Variants in HS6ST1 observed in about 807,000 individuals in gnomAD.
HS6ST1 encodes heparan sulfate 6-O-sulfotransferase 1, also known as heparan-sulfate 6-O-sulfotransferase 1.
HS6ST1 carries 3 observed loss-of-function variants against 25.2 expected under a neutral mutation model. The observed-to-expected ratio is 0.12, with a 90% CI of 0.05 to 0.31. HS6ST1 has a LOEUF of 0.31. HS6ST1 is among the 10% of genes least tolerant of loss of function. HS6ST1 has a pLI of 1.00. For missense variants in HS6ST1, 310 were observed against 609.6 expected (o/e 0.51, Z 5.18); for synonymous variants, 204 against 275.1 (o/e 0.74, Z 2.56).
intron 1 of HS6ST1, among the ~76,000 whole-genome samples, chr2:128,287,244 T>TC (rs769547227): frequency 6.6e-6 from 1 of 152,000 alleles, no homozygotes; most frequent in South Asian, 2.1e-4. Context: ...ACCAGGGCAG[T>TC]CCCCCTGCAA....
intron 1 of HS6ST1, among the ~76,000 whole-genome samples, chr2:128,281,558 G>A (rs368934885): frequency 4.6e-5 from 7 of 152,240 alleles, no homozygotes; most frequent in South Asian, 2.1e-4. Flanking sequence ...CTTGGACCAT[G>A]AGGCAGAAGC....
chr2:128,277,665 G>A (rs554883831), intron 1 of HS6ST1, among the ~76,000 whole-genome samples: 303 of 152,360 alleles, frequency 2.0e-3, no homozygotes, highest in Admixed American at 5.0e-3. Context: ...GTGAGGCTAA[G>A]GCACACAGGC....
At position 128,268,762 on chromosome 2, in the gene HS6ST1, A is replaced by G; in HGVS notation, c.636T>C (p.Asp212=). 6.2e-7 allele frequency: 1 copy of G among 1,612,310 alleles called. No individual in the cohort carries two copies. The highest frequency in any genetic ancestry group is 8.5e-7 in the Non-Finnish European group (1 of 1,179,902). The change falls in exon 2 of 2, where the codon GAT becomes GAC. Residue 212 remains aspartate, a synonymous_variant. Transcript: ENST00000259241. ...ATWKTSLHMC[D]GRTPTPEELP... ...GCTCCTCAGGCGTGGGCGTGCGCCC[A>G]TCACACATATGCAACGACGTCTTCC...
chr2:128,289,040 C>T (rs954390325), intron 1 of HS6ST1, among the ~76,000 whole-genome samples: 3 of 152,122 alleles, frequency 2.0e-5, no homozygotes, highest in Non-Finnish European at 2.9e-5. Flanking sequence ...CAGAGGCGGC[C>T]GCGGAGAGAT....
intron 1 of HS6ST1, among the ~76,000 whole-genome samples, chr2:128,278,184 G>A (rs1352247890): frequency 2.0e-5 from 3 of 152,260 alleles, no homozygotes; most frequent in Admixed American, 6.5e-5. Context: ...CAACCAGGCC[G>A]GGCACTGCAG....
chr2:128,280,483 G>A (rs560308022), intron 1 of HS6ST1, among the ~76,000 whole-genome samples: 10 of 152,212 alleles, frequency 6.6e-5, no homozygotes, highest in Non-Finnish European at 1.2e-4. Flanking sequence ...CTTCCCCACC[G>A]CTCTGGTGTG....
intron 1 of HS6ST1, among the ~76,000 whole-genome samples, chr2:128,307,495 G>C (rs533449177): frequency 6.6e-6 from 1 of 152,240 alleles, no homozygotes; most frequent in Non-Finnish European, 1.5e-5. Flanking sequence ...ATGGAGAAAT[G>C]ATGAACAGGA....
chr2:128,317,549 C>T (rs1030217016), intron 1 of HS6ST1, among the ~76,000 whole-genome samples: 18 of 152,236 alleles, frequency 1.2e-4, no homozygotes, highest in African/African-American at 4.3e-4. Flanking sequence ...AGCTCCCCCA[C>T]CCTCTGAAGG....
chr2:128,295,153 C>A (rs528875004), intron 1 of HS6ST1, among the ~76,000 whole-genome samples: 5 of 152,222 alleles, frequency 3.3e-5, no homozygotes, highest in African/African-American at 7.2e-5. Flanking sequence ...CTGTGAACAC[C>A]GTGAGATGTT....
intron 1 of HS6ST1, among the ~76,000 whole-genome samples, chr2:128,276,575 C>G (rs1050036930): frequency 6.6e-6 from 1 of 152,196 alleles, no homozygotes. Context: ...CGGTGAGCAG[C>G]TGGGGGTACA....
intron 1 of HS6ST1, among the ~76,000 whole-genome samples, chr2:128,312,864 A>T (rs987240622): frequency 6.6e-6 from 1 of 152,202 alleles, no homozygotes; most frequent in Non-Finnish European, 1.5e-5. Flanking sequence ...GTTCGAGACT[A>T]GCCTGGCCAA....
In HS6ST1 at chr2:128,276,019, G is replaced by A. The variant is rs139250577; in HGVS notation, c.528-7149C>T. ...ACAACACCATGGGAAAGGTGACGAA[G>A]AAGGCACTGCACATCAGGACTGGAT... is the stretch of plus-strand genomic sequence containing the variant. On this transcript the variant is annotated intron_variant, in intron 1 of 1. Coordinates refer to ENST00000259241, the MANE Select transcript of HS6ST1 (RefSeq NM_004807.3). Among the ~76,000 whole-genome samples, 159 of 152,292 alleles carry A rather than the reference G, an allele frequency of 1.0e-3. No homozygotes were observed. The East Asian group carries it at 0.014, about 13-fold the overall frequency.
chr2:128,294,550 C>T (rs1301505260), intron 1 of HS6ST1, among the ~76,000 whole-genome samples: 1 of 152,176 alleles, frequency 6.6e-6, no homozygotes, highest in Non-Finnish European at 1.5e-5. Flanking sequence ...GATGGAGACG[C>T]TGTCACACTC....
At chr2:128,307,800 G>A (rs536230428) in intron 1 of HS6ST1, among the ~76,000 whole-genome samples, 1 of 152,294 alleles carries the variant, frequency 6.6e-6, no homozygotes, top group South Asian at 2.1e-4. Context: ...CAGCATGGTG[G>A]TGAGGAGAAC....
At chr2:128,276,327 G>A (rs1451624159) in intron 1 of HS6ST1, among the ~76,000 whole-genome samples, 1 of 152,160 alleles carries the variant, frequency 6.6e-6, no homozygotes, top group African/African-American at 2.4e-5. Context: ...GTAGAGATGG[G>A]ATTTCACCAT....
intron 1 of HS6ST1, among the ~76,000 whole-genome samples, chr2:128,313,172 G>A (rs1694316233): frequency 6.6e-6 from 1 of 152,194 alleles, no homozygotes; most frequent in African/African-American, 2.4e-5. Flanking sequence ...GAAGAGGAAG[G>A]TAACATTTGT....
At position 128,290,659 on chromosome 2, in the gene HS6ST1, C is replaced by T. The variant is rs117816616; in HGVS notation, c.528-21789G>A. Reference sequence around the variant, plus strand: ...AAACACTATTCATAATAAAAACTCTCAGGAAACTAGGAATAGAAGTCCCTT... The same window carrying T: ...AAACACTATTCATAATAAAAACTCTTAGGAAACTAGGAATAGAAGTCCCTT... On this transcript the variant is annotated intron_variant, in intron 1 of 1. Coordinates refer to ENST00000259241, the MANE Select transcript of HS6ST1 (RefSeq NM_004807.3). Among the ~76,000 whole-genome samples, 1,204 of 152,102 alleles carry T rather than the reference C, an allele frequency of 7.9e-3. 40 individuals are homozygous for T. Among genetic ancestry groups the T allele is most frequent in the East Asian group, 0.074 (380 of 5,158 alleles).
chr2:128,284,439 T>A (rs1693831035), intron 1 of HS6ST1, among the ~76,000 whole-genome samples: 1 of 150,656 alleles, frequency 6.6e-6, no homozygotes, highest in Non-Finnish European at 1.5e-5. Context: ...CAGCTACTCA[T>A]CCCTTTGTCC....
chr2:128,285,463 A>C (rs1693846925), intron 1 of HS6ST1, among the ~76,000 whole-genome samples: 1 of 152,184 alleles, frequency 6.6e-6, no homozygotes, highest in South Asian at 2.1e-4. Context: ...CCAGTCTCCC[A>C]AGGCCTTGTC....
Sources: gnomAD v4.1 joint callset for allele counts (sites outside exome capture counted in the v4.1 genomes callset) on GRCh38, gnomAD v4.1.1 for gene constraint, MANE v1.5 for transcripts, NCBI Gene and HGNC (gene_info 2026-07-23, HGNC 2026-07-21) for gene names.